Variants in PTPRM observed in about 807,000 individuals in gnomAD.
The protein encoded by PTPRM is receptor-type tyrosine-protein phosphatase mu.
PTPRM carries 47 observed loss-of-function variants against 186.7 expected under a neutral mutation model. That is an observed-to-expected ratio of 0.25 (90% CI 0.20 to 0.32). PTPRM has a LOEUF of 0.32. PTPRM is among the 10% of genes least tolerant of loss of function. PTPRM has a pLI of 1.00. For missense variants in PTPRM, 1,494 were observed against 1,865.0 expected (o/e 0.80, Z 3.66); for synonymous variants, 668 against 674.9 (o/e 0.99, Z 0.16).
intron 1 of PTPRM, among the ~76,000 whole-genome samples, chr18:7,639,607 G>T (rs749709894): frequency 6.7e-6 from 1 of 150,060 alleles, no homozygotes; most frequent in Non-Finnish European, 1.5e-5. Flanking sequence ...GGCTGGTCTG[G>T]TCTCGAACTC....
At chr18:7,704,203 G>T (rs766577771) in intron 1 of PTPRM, among the ~76,000 whole-genome samples, 2 of 152,110 alleles carry the variant, frequency 1.3e-5, no homozygotes, top group Non-Finnish European at 2.9e-5. Flanking sequence ...AGTTAGGGAG[G>T]ATTTCCTCTT....
chr18:7,713,220 A>C lies in PTPRM; in HGVS notation c.74-60929A>C, dbSNP rs560894816. 2.0e-5 allele frequency among the ~76,000 whole-genome samples: 3 copies of C among 152,330 alleles called. No homozygotes were observed. In the South Asian group the frequency reaches 6.2e-4, roughly 32 times the overall value. ...AAGAGGGTGGGGGCCAATATTCAAC[A>C]TTCTTAAGAAAAGAATTTTCAACCT... On this transcript the variant is annotated intron_variant, in intron 1 of 32. Transcript: ENST00000580170.
At chr18:7,678,641 G>A (rs892697960) in intron 1 of PTPRM, among the ~76,000 whole-genome samples, 1 of 148,282 alleles carries the variant, frequency 6.7e-6, no homozygotes, top group African/African-American at 2.4e-5. Context: ...GTCCACCCCT[G>A]TTTTATTTTT....
chr18:7,688,919 A>G (rs1412110437), intron 1 of PTPRM, among the ~76,000 whole-genome samples: 1 of 152,198 alleles, frequency 6.6e-6, no homozygotes, highest in African/African-American at 2.4e-5. Context: ...AGAAACCCTC[A>G]GCCCTGGTGA....
chr18:8,019,599 C>CT (rs1190128873), intron 7 of PTPRM, among the ~76,000 whole-genome samples: 7 of 151,416 alleles, frequency 4.6e-5, no homozygotes, highest in African/African-American at 1.5e-4. Context: ...CTTTTCTTTT[C>CT]TTTTTTTAAT....
At chr18:7,878,049 G>A (rs909406822) in intron 2 of PTPRM, among the ~76,000 whole-genome samples, 1 of 152,130 alleles carries the variant, frequency 6.6e-6, no homozygotes, top group Admixed American at 6.6e-5. Context: ...GTGTTGAAAT[G>A]TTTATGTAAT....
intron 24 of PTPRM, among the ~76,000 whole-genome samples, chr18:8,372,183 T>A (rs1441318098): frequency 1.4e-5 from 2 of 145,868 alleles, no homozygotes; most frequent in Non-Finnish European, 3.0e-5. Flanking sequence ...GCCATTCTCC[T>A]GCCTCAGCCT....
chr18:7,616,639 C>G (rs1217804310), intron 1 of PTPRM, among the ~76,000 whole-genome samples: 1 of 152,198 alleles, frequency 6.6e-6, no homozygotes, highest in African/African-American at 2.4e-5. Flanking sequence ...GCACCCCTCA[C>G]TCGTGGGCCC....
At chr18:7,669,565 C>G (rs540966305) in intron 1 of PTPRM, among the ~76,000 whole-genome samples, 1 of 152,196 alleles carries the variant, frequency 6.6e-6, no homozygotes, top group South Asian at 2.1e-4. Flanking sequence ...AGCAGTGGAG[C>G]AGAAGAAATT....
intron 4 of PTPRM, among the ~76,000 whole-genome samples, chr18:7,910,114 G>A (rs1053368441): frequency 2.0e-5 from 3 of 152,180 alleles, no homozygotes; most frequent in Non-Finnish European, 4.4e-5. Context: ...AAAGCCGTAT[G>A]TAATTTTAAT....
At chr18:7,981,738 G>A (rs1302480586) in intron 7 of PTPRM, among the ~76,000 whole-genome samples, 1 of 152,150 alleles carries the variant, frequency 6.6e-6, no homozygotes, top group Non-Finnish European at 1.5e-5. Context: ...CCCAATCAGA[G>A]GTAGCAAGGC....
intron 1 of PTPRM, among the ~76,000 whole-genome samples, chr18:7,633,021 G>T (rs1343969621): frequency 6.6e-6 from 1 of 152,174 alleles, no homozygotes; most frequent in East Asian, 1.9e-4. Flanking sequence ...CATTACAGCA[G>T]CAGTGTTGAG....
rs765931740 is a variant in PTPRM, at chr18:8,376,471, A to G, written c.3336A>G (p.Ala1112=). The change falls in exon 26 of 33, where the codon GCA becomes GCG. Residue 1112 remains alanine (A), a synonymous_variant. Coordinates refer to ENST00000580170, the MANE Select transcript of PTPRM (RefSeq NM_001105244.2). ...CCCCCTTTTCATTCAGTGCTGGTGCAGGGAGGACTGGCTGTTTCATCGTCA... is the reference window on the plus strand; with the variant it reads ...CCCCCTTTTCATTCAGTGCTGGTGCGGGGAGGACTGGCTGTTTCATCGTCA... ...GPLVVHCSAG[A]GRTGCFIVID... The G allele has an allele frequency of 7.3e-5, 118 of 1,614,006 alleles. No homozygotes were observed. The highest frequency in any genetic ancestry group is 1.8e-4 in the East Asian group (8 of 44,902).
chr18:7,957,865 T>G (rs768180520), intron 7 of PTPRM, among the ~76,000 whole-genome samples: 2 of 152,136 alleles, frequency 1.3e-5, no homozygotes, highest in Non-Finnish European at 2.9e-5. Flanking sequence ...CAAAGTATTA[T>G]TCAGATGGTT....
intron 7 of PTPRM, among the ~76,000 whole-genome samples, chr18:7,991,792 T>C (rs1383082487): frequency 6.6e-6 from 1 of 151,936 alleles, no homozygotes; most frequent in Non-Finnish European, 1.5e-5. Context: ...AAATGAGCAG[T>C]GAATGTTATA....
chr18:8,348,634 C>T (rs2095518347), intron 23 of PTPRM, among the ~76,000 whole-genome samples: 1 of 152,210 alleles, frequency 6.6e-6, no homozygotes, highest in African/African-American at 2.4e-5. Flanking sequence ...TTCCCATTTA[C>T]ACCGTTTGTG....
intron 2 of PTPRM, among the ~76,000 whole-genome samples, chr18:7,865,179 T>A (rs1401389656): frequency 6.6e-6 from 1 of 152,208 alleles, no homozygotes; most frequent in East Asian, 1.9e-4. Context: ...CCTAGTTGAA[T>A]ACCCTTTATT....
At chr18:7,681,746 C>T (rs973183835) in intron 1 of PTPRM, among the ~76,000 whole-genome samples, 1 of 152,134 alleles carries the variant, frequency 6.6e-6, no homozygotes, top group South Asian at 2.1e-4. Flanking sequence ...ATAACAATTC[C>T]GAAGTTCTAA....
At chr18:8,132,362 C>T (rs1288016096) in intron 13 of PTPRM, among the ~76,000 whole-genome samples, 3 of 152,140 alleles carry the variant, frequency 2.0e-5, no homozygotes, top group African/African-American at 7.2e-5. Context: ...AAGTGAGTTG[C>T]ATGTGTCTTT....
Sources: allele counts gnomAD v4.1 joint callset (sites outside exome capture counted in the v4.1 genomes callset), GRCh38; gene constraint gnomAD v4.1.1; transcripts MANE v1.5; gene names NCBI Gene and HGNC (gene_info 2026-07-23, HGNC 2026-07-21).